The following CLUL1 variants were observed in gnomAD, a reference collection of about 807,000 sequenced individuals.
CLUL1 encodes clusterin-like protein 1.
CLUL1 carries 43 observed loss-of-function variants against 49.4 expected under a neutral mutation model. The observed-to-expected ratio is 0.87, with a 90% CI of 0.68 to 1.12. The LOEUF is 1.12. Ranked by LOEUF, CLUL1 falls within the 50% of genes most tolerant of loss-of-function variation. The pLI, the probability that CLUL1 is intolerant of heterozygous loss-of-function variation, is 0.00. For synonymous variants in CLUL1, 192 were observed against 184.9 expected (o/e 1.04, Z -0.31); for missense variants, 486 against 544.4 (o/e 0.89, Z 1.07).
At position 624,306 on chromosome 18, in the gene CLUL1, A is replaced by G. The variant is rs2073605362; in HGVS notation, c.256-559A>G. Among the ~76,000 whole-genome samples, 3 of 151,962 alleles carry G rather than the reference A, an allele frequency of 2.0e-5. No homozygotes were observed. In the South Asian group the frequency reaches 6.2e-4, roughly 31 times the overall value. Reference sequence around the variant, plus strand: ...AAATATATTTATTATATTACATTCTAATTGCAGAGATGCCATCCTGCGTCT... The same window carrying G: ...AAATATATTTATTATATTACATTCTGATTGCAGAGATGCCATCCTGCGTCT... On this transcript the variant is annotated intron_variant, in intron 4 of 9. Coordinates refer to ENST00000692774, the MANE Select transcript of CLUL1 (RefSeq NM_001393344.1).
chr18:647,293 G>T (rs1339194932), intron 9 of CLUL1, among the ~76,000 whole-genome samples: 1 of 147,596 alleles, frequency 6.8e-6, no homozygotes, highest in African/African-American at 2.5e-5. Flanking sequence ...CTGCTAAAGT[G>T]GTCCCCTCCC....
intron 9 of CLUL1, among the ~76,000 whole-genome samples, chr18:647,402 A>G (rs929247676): frequency 1.3e-5 from 2 of 152,152 alleles, no homozygotes; most frequent in African/African-American, 2.4e-5. Context: ...CTCAGCTAAA[A>G]GAAATGGATG....
Position 641,346 on chromosome 18 carries a change from T to C in CLUL1, c.1014T>C (p.Ala338=), listed in dbSNP as rs1486425627. Residue 338 remains alanine (A), a synonymous_variant, in exon 8 of 10, where the codon GCT becomes GCC. Coordinates refer to ENST00000692774, the MANE Select transcript of CLUL1 (RefSeq NM_001393344.1). ...TGCTAGACTGTCCTGATGTACCTGC[T>C]CTGCACACAGAATTAGACGAGGCGA... is the stretch of plus-strand genomic sequence containing the variant. ...HLSEDCPDVP[A]LHTELDEAIR... 2 of 1,614,188 alleles carry C rather than the reference T, an allele frequency of 1.2e-6. No homozygotes were observed. Among genetic ancestry groups the C allele is most frequent in the Non-Finnish European group, 1.7e-6 (2 of 1,180,022 alleles).
chr18:645,878 A>G lies in CLUL1; in HGVS notation c.1397+781A>G, dbSNP rs190433767. ...GTTAAACATACTCTTAATGTGTAAA[A>G]ACAAGAGAATGATTAAGTAGATTAT... On this transcript the variant is annotated intron_variant, in intron 9 of 9. Coordinates refer to ENST00000692774, the MANE Select transcript of CLUL1 (RefSeq NM_001393344.1). Among the ~76,000 whole-genome samples, 89 of 136,558 alleles carry G rather than the reference A, an allele frequency of 6.5e-4. 3 individuals are homozygous for G. In the East Asian group the frequency reaches 0.018, roughly 28 times the overall value. 89.6% of individuals were successfully genotyped at this position (136,558 alleles called of 152,430 possible). A position where few individuals can be genotyped will look rare whatever the true frequency, so the allele number is the denominator to read the frequency against.
chr18:613,873 A>C lies in CLUL1; in HGVS notation c.-13-4115A>C, dbSNP rs28674859. On this transcript the variant is annotated intron_variant, in intron 2 of 9. Transcript: ENST00000692774. ...TTGACCTGCTCAGCAATCTCTAAGCAAGATAGAGTAGCTGTAATTCTTCAT... is the reference window on the plus strand; with the variant it reads ...TTGACCTGCTCAGCAATCTCTAAGCCAGATAGAGTAGCTGTAATTCTTCAT... Among the ~76,000 whole-genome samples the C allele has an allele frequency of 3.3e-5, 5 of 152,208 alleles. No homozygotes were observed. The East Asian group carries it at 5.8e-4, about 18-fold the overall frequency.
At position 627,378 on chromosome 18, in the gene CLUL1, G is replaced by A; in HGVS notation, c.705G>A (p.Glu235=). 6.2e-7 allele frequency: 1 copy of A among 1,614,142 alleles called. No homozygotes were observed. ...ACTTTTTTCCAGCTTTCTCTAAAGA[G>A]CCGATGACAAAAGCAGATCTTGAGC... ...EPYFFPAFSK[E]PMTKADLEQC... The change falls in exon 6 of 10, where the codon GAG becomes GAA. Residue 235 remains glutamate, a synonymous_variant. Transcript: ENST00000692774.
chr18:611,402 A>G (rs372939913), intron 2 of CLUL1, among the ~76,000 whole-genome samples: 28 of 152,018 alleles, frequency 1.8e-4, no homozygotes, highest in African/African-American at 6.3e-4. Context: ...GGATAGAATT[A>G]AAAGGATTAG....
At chr18:624,691 C>T (rs993439736) in intron 4 of CLUL1, among the ~76,000 whole-genome samples, 174 bp from the exon 5 acceptor site, 1 of 152,190 alleles carries the variant, frequency 6.6e-6, no homozygotes, top group Admixed American at 6.5e-5. Flanking sequence ...TCAATCAGTG[C>T]TCTTTTCTTA....
chr18:641,641 T>A (rs2074348536), intron 8 of CLUL1, 100 bp downstream of exon 8: 1 of 982,190 alleles, frequency 1.0e-6, no homozygotes, highest in Non-Finnish European at 1.5e-6. Context: ...GAAAACAAGC[T>A]GTAGGAGGTA....
intron 7 of CLUL1, among the ~76,000 whole-genome samples, chr18:640,633 T>C (rs1227845933): frequency 6.6e-6 from 1 of 152,220 alleles, no homozygotes; most frequent in Admixed American, 6.5e-5. Context: ...TGTTGGTCTA[T>C]GTAGGCATAT....
At chr18:616,388 G>T (rs373672839) in intron 2 of CLUL1, among the ~76,000 whole-genome samples, 3 of 152,074 alleles carry the variant, frequency 2.0e-5, no homozygotes, top group East Asian at 1.9e-4. Context: ...TCACATTGTG[G>T]CTTATAGTAT....
At chr18:640,715 C>G (rs1463256670) in intron 7 of CLUL1, among the ~76,000 whole-genome samples, 3 of 152,142 alleles carry the variant, frequency 2.0e-5, no homozygotes, top group Non-Finnish European at 4.4e-5. Context: ...AATCTCATAC[C>G]TTTAATCAAA....
At chr18:629,601 G>A (rs1245517433) in intron 6 of CLUL1, among the ~76,000 whole-genome samples, 1 of 152,172 alleles carries the variant, frequency 6.6e-6, no homozygotes, top group Non-Finnish European at 1.5e-5. Context: ...CCTACTCTCA[G>A]CTGCCTCACA....
intron 2 of CLUL1, among the ~76,000 whole-genome samples, chr18:607,917 T>C (rs1459950199): frequency 6.6e-6 from 1 of 152,090 alleles, no homozygotes; most frequent in Non-Finnish European, 1.5e-5. Context: ...TGCCTCTTTG[T>C]AGTAATTAAT....
At chr18:598,340 T>G (rs73942573) in intron 1 of CLUL1, 12,123 of 388,408 alleles carry the variant, frequency 0.031, 1,035 homozygotes, top group African/African-American at 0.2. Flanking sequence ...TGATCTGTTT[T>G]TCCAGGTCCC....
intron 2 of CLUL1, among the ~76,000 whole-genome samples, chr18:610,674 G>A (rs2073108273): frequency 6.6e-6 from 1 of 152,128 alleles, no homozygotes; most frequent in Admixed American, 6.5e-5. Context: ...AGACTGAGCA[G>A]GTGTCATGTG....
intron 3 of CLUL1, among the ~76,000 whole-genome samples, 163 bp from the exon 4 acceptor site, chr18:619,050 G>T (rs546696): frequency 0.64 from 96,543 of 151,878 alleles, 32,230 homozygotes; most frequent in Middle Eastern, 0.76. Flanking sequence ...GTGGCAGCTG[G>T]GTCCATGTGG....
At chr18:625,144 G>T (rs1367769487) in intron 5 of CLUL1, 112 bp downstream of exon 5, 1 of 1,076,480 alleles carries the variant, frequency 9.3e-7, no homozygotes, top group Non-Finnish European at 1.3e-6. Flanking sequence ...TCTGATAGGG[G>T]CCTTTTGCTT....
rs1381697915 is a variant in CLUL1 at position 607,088 on chromosome 18, C to G, written c.-25C>G. 1 of 701,964 alleles carries G rather than the reference C, an allele frequency of 1.4e-6. No homozygotes were observed. The highest frequency in any genetic ancestry group is 2.7e-5 in the East Asian group (1 of 37,270). 43.5% of individuals were successfully genotyped at this position (701,964 alleles called of 1,614,324 possible). A position where few individuals can be genotyped will look rare whatever the true frequency, so the allele number is the denominator to read the frequency against. ...CCTCCTACCTCAGCCCCATGAGGAC[C>G]TGGGACTACAGGTATGCACCGCTAT... On this transcript the variant is annotated 5_prime_UTR_variant, in exon 2 of 10. Transcript: ENST00000692774.
Sources: gnomAD v4.1 joint callset for allele counts (sites outside exome capture counted in the v4.1 genomes callset) on GRCh38, gnomAD v4.1.1 for gene constraint, MANE v1.5 for transcripts, NCBI Gene and HGNC (gene_info 2026-07-23, HGNC 2026-07-21) for gene names.